L3MBTL4: variants seen among roughly 807,000 people sequenced by gnomAD.
L3MBTL4 encodes the protein L3MBTL histone methyl-lysine binding protein 4.
L3MBTL4 carries 70 observed loss-of-function variants against 84.5 expected under a neutral mutation model. The observed-to-expected ratio is 0.83, with a 90% CI of 0.68 to 1.01. The LOEUF (loss-of-function observed/expected upper bound fraction) is 1.01. Among genes scored for constraint, L3MBTL4 ranks in the 50% least tolerant of loss-of-function variants. L3MBTL4 has a pLI of 0.00. For missense variants in L3MBTL4, 715 were observed against 754.8 expected (o/e 0.95, Z 0.62); for synonymous variants, 274 against 259.8 (o/e 1.05, Z -0.52).
intron 16 of L3MBTL4, among the ~76,000 whole-genome samples, chr18:6,049,890 A>G (rs570208200): frequency 2.0e-5 from 3 of 152,324 alleles, no homozygotes; most frequent in African/African-American, 7.2e-5. Flanking sequence ...ATTATTTTGA[A>G]AAAGGAAAGT....
At chr18:6,069,655 T>C (rs968984777) in intron 16 of L3MBTL4, among the ~76,000 whole-genome samples, 6 of 152,100 alleles carry the variant, frequency 3.9e-5, no homozygotes, top group Admixed American at 1.3e-4. Context: ...GGAGTATAAC[T>C]GCCTCTTCTG....
At chr18:6,093,295 T>C in intron 15 of L3MBTL4, 60 bp downstream of exon 15, 2 of 1,299,478 alleles carry the variant, frequency 1.5e-6, no homozygotes, top group Non-Finnish European at 2.1e-6. Flanking sequence ...TTAACAAAAT[T>C]GTTCTTTTAC....
At chr18:6,053,636 C>T (rs1037994028) in intron 16 of L3MBTL4, among the ~76,000 whole-genome samples, 2 of 152,222 alleles carry the variant, frequency 1.3e-5, no homozygotes, top group African/African-American at 2.4e-5. Context: ...TTCAAAACAA[C>T]GAATGCAACT....
At chr18:6,389,440 T>C (rs1460213524) in intron 1 of L3MBTL4, among the ~76,000 whole-genome samples, 1 of 151,942 alleles carries the variant, frequency 6.6e-6, no homozygotes, top group East Asian at 1.9e-4. Flanking sequence ...GAACAATACA[T>C]CACATCTCAA....
At chr18:6,163,259 T>TGGGGGG (rs71163263) in intron 13 of L3MBTL4, among the ~76,000 whole-genome samples, 3 of 57,378 alleles carry the variant, frequency 5.2e-5, no homozygotes, top group Non-Finnish European at 7.0e-5. Context: ...TGTGTGTGTG[T>TGGGGGG]GGGGGGGGGG....
intron 13 of L3MBTL4, among the ~76,000 whole-genome samples, chr18:6,141,820 C>T (rs59042476): frequency 0.2 from 30,461 of 152,100 alleles, 4,094 homozygotes; most frequent in African/African-American, 0.38. Context: ...ATCACAGATA[C>T]AATCATATCA....
intron 12 of L3MBTL4, among the ~76,000 whole-genome samples, chr18:6,200,541 A>G (rs1472715090): frequency 6.6e-6 from 1 of 152,182 alleles, no homozygotes; most frequent in Non-Finnish European, 1.5e-5. Flanking sequence ...AATTCCAGCC[A>G]TTTATTATCC....
chr18:6,043,859 G>T (rs2056506321), intron 16 of L3MBTL4, among the ~76,000 whole-genome samples: 1 of 152,170 alleles, frequency 6.6e-6, no homozygotes, highest in South Asian at 2.1e-4. Flanking sequence ...ATAGGAAAAT[G>T]ACTTTTTAAA....
intron 8 of L3MBTL4, 64 bp downstream of exon 8, chr18:6,241,294 A>C (rs981641607): frequency 1.1e-6 from 1 of 903,648 alleles, no homozygotes; most frequent in Non-Finnish European, 1.8e-6. Context: ...CAGAATATAT[A>C]GTGAATTTTA....
rs371831006 is a variant in L3MBTL4, at chr18:6,131,303, G to A, written c.1199+6891C>T. 6.9e-4 allele frequency among the ~76,000 whole-genome samples: 105 copies of A among 152,242 alleles called. 2 individuals carry two copies. The South Asian group carries it at 0.015, about 21-fold the overall frequency. Reference sequence around the variant, plus strand: ...TTAAAGTGGAGCACTACATTTTCACGCTTTCCCCAGGGTTTGGAAGCAGAA... The same window carrying A: ...TTAAAGTGGAGCACTACATTTTCACACTTTCCCCAGGGTTTGGAAGCAGAA... On this transcript the variant is annotated intron_variant, in intron 14 of 18. Coordinates refer to ENST00000317931, the MANE Select transcript of L3MBTL4 (RefSeq NM_001330559.2).
At chr18:6,102,046 A>G (rs1437583052) in intron 14 of L3MBTL4, among the ~76,000 whole-genome samples, 3 of 152,028 alleles carry the variant, frequency 2.0e-5, no homozygotes, top group African/African-American at 7.2e-5. Flanking sequence ...ACACCTCCCA[A>G]CTTTTATTAT....
intron 16 of L3MBTL4, among the ~76,000 whole-genome samples, chr18:6,035,073 G>A (rs532655244): frequency 0.015 from 2,213 of 151,488 alleles, 37 homozygotes; most frequent in African/African-American, 0.048. Flanking sequence ...AGTAGGTTGC[G>A]AAAATTTTCT....
At chr18:6,103,943 A>G (rs1448077075) in intron 14 of L3MBTL4, among the ~76,000 whole-genome samples, 1 of 152,268 alleles carries the variant, frequency 6.6e-6, no homozygotes, top group African/African-American at 2.4e-5. Flanking sequence ...AACAGCTACA[A>G]GAAGATTTGC....
intron 12 of L3MBTL4, among the ~76,000 whole-genome samples, chr18:6,198,218 T>C (rs2045493777): frequency 6.6e-6 from 1 of 152,188 alleles, no homozygotes; most frequent in African/African-American, 2.4e-5. Context: ...CAAGCTTATC[T>C]CAGGGTTGCA....
intron 11 of L3MBTL4, 21 bp downstream of exon 11, chr18:6,215,729 T>TTG (rs1260294212): frequency 6.8e-7 from 1 of 1,459,924 alleles, no homozygotes; most frequent in Non-Finnish European, 9.4e-7. Flanking sequence ...AGGTGAGAGT[T>TTG]TGTACCCACA....
intron 16 of L3MBTL4, among the ~76,000 whole-genome samples, chr18:6,018,141 G>C (rs1030008445): frequency 7.2e-5 from 11 of 152,140 alleles, no homozygotes; most frequent in Non-Finnish European, 1.3e-4. Flanking sequence ...CGGTAGAGGT[G>C]ACACCATGAA....
intron 13 of L3MBTL4, among the ~76,000 whole-genome samples, chr18:6,160,706 G>C (rs1033880312): frequency 1.3e-5 from 2 of 150,248 alleles, no homozygotes; most frequent in African/African-American, 4.9e-5. Flanking sequence ...ACCCCAGCTT[G>C]GGTGACGAGA....
At chr18:6,328,892 G>A (rs1397316189) in intron 1 of L3MBTL4, among the ~76,000 whole-genome samples, 1 of 152,126 alleles carries the variant, frequency 6.6e-6, no homozygotes, top group African/African-American at 2.4e-5. Flanking sequence ...GAGCTCTGCT[G>A]GAAAATGGGA....
chr18:5,975,877 C>A (rs1313851003), intron 16 of L3MBTL4, among the ~76,000 whole-genome samples: 1 of 152,210 alleles, frequency 6.6e-6, no homozygotes, highest in African/African-American at 2.4e-5. Context: ...GTCTGCTGCA[C>A]TGTCTTCTGT....
Sources: gnomAD v4.1 joint callset for allele counts (sites outside exome capture counted in the v4.1 genomes callset) on GRCh38, gnomAD v4.1.1 for gene constraint, MANE v1.5 for transcripts, NCBI Gene and HGNC (gene_info 2026-07-23, HGNC 2026-07-21) for gene names.